Variants in YES1 observed in about 807,000 individuals in gnomAD.
YES1 encodes the protein tyrosine-protein kinase Yes.
In YES1, 39 loss-of-function variants were observed where a neutral mutation model predicts 70.4. That is an observed-to-expected ratio of 0.55 (90% CI 0.43 to 0.72). The LOEUF (loss-of-function observed/expected upper bound fraction) is 0.72. YES1 is among the 30% of genes least tolerant of loss of function. The pLI is 0.00. For missense variants in YES1, 495 were observed against 644.8 expected, an observed-to-expected ratio of 0.77 and a Z score of 2.52; for synonymous variants, 198 against 218.6, an observed-to-expected ratio of 0.91 and a Z score of 0.83.
chr18:745,329 C>A (rs1433157722), intron 6 of YES1, among the ~76,000 whole-genome samples: 1 of 152,144 alleles, frequency 6.6e-6, no homozygotes, highest in Non-Finnish European at 1.5e-5. Flanking sequence ...TGCGATCCAG[C>A]CCATGCAGAG....
At chr18:765,399 CT>C (rs1160937016) in intron 1 of YES1, among the ~76,000 whole-genome samples, 487 of 123,476 alleles carry the variant, frequency 3.9e-3, no homozygotes, top group East Asian at 0.015. Context: ...TAATTTAACA[CT>C]TTTTTTTTTT....
At chr18:757,776 C>A (rs1207172831) in intron 1 of YES1, among the ~76,000 whole-genome samples, 1 of 151,236 alleles carries the variant, frequency 6.6e-6, no homozygotes, top group Admixed American at 6.6e-5. Flanking sequence ...AAGCTGACAT[C>A]GTGCCAGTGC....
At chr18:790,078 TAAAC>T (rs898095808) in intron 1 of YES1, among the ~76,000 whole-genome samples, 4 of 150,568 alleles carry the variant, frequency 2.7e-5, no homozygotes, top group African/African-American at 9.8e-5. Context: ...TAAAATAAAA[TAAAC>T]AAAAGATTCC....
intron 1 of YES1, among the ~76,000 whole-genome samples, chr18:802,330 G>A (rs1350142467): frequency 6.6e-6 from 1 of 152,186 alleles, no homozygotes; most frequent in Non-Finnish European, 1.5e-5. Context: ...CACTCTGGGA[G>A]GCCAAGGCAG....
At chr18:745,485 T>A (rs2080267953) in intron 6 of YES1, among the ~76,000 whole-genome samples, 1 of 152,196 alleles carries the variant, frequency 6.6e-6, no homozygotes. Flanking sequence ...GCCAGTAAGA[T>A]ATAAGGACCC....
At chr18:800,975 G>A (rs550249725) in intron 1 of YES1, among the ~76,000 whole-genome samples, 3 of 151,936 alleles carry the variant, frequency 2.0e-5, no homozygotes, top group South Asian at 4.2e-4. Context: ...GTGAAACTCC[G>A]TCTCTACTAA....
chr18:802,268 A>G (rs1877471460), intron 1 of YES1, among the ~76,000 whole-genome samples: 1 of 152,094 alleles, frequency 6.6e-6, no homozygotes. Flanking sequence ...GAAAGAAAAT[A>G]AAATAATTAG....
At position 743,161 on chromosome 18, in the gene YES1, C is replaced by CAGCA. The variant is rs2080235091; in HGVS notation, c.881-68_881-65dup. On this transcript the variant is annotated intron_variant, in intron 7 of 11. Coordinates refer to ENST00000314574, the MANE Select transcript of YES1 (RefSeq NM_005433.4). ...GGATTTTAGACCAAACTTCAGTGAA[C>CAGCA]AGCACTTCTCTTAAATATTGAAACA... 21 of 1,547,616 alleles carry CAGCA rather than the reference C, an allele frequency of 1.4e-5. No individual in the cohort carries two copies. In the South Asian group the frequency reaches 2.6e-4, roughly 19 times the overall value.
intron 11 of YES1, among the ~76,000 whole-genome samples, chr18:729,006 A>G (rs1424442051): frequency 6.6e-6 from 1 of 152,148 alleles, no homozygotes; most frequent in African/African-American, 2.4e-5. Context: ...GAAGATTTTT[A>G]GCCATTACTT....
intron 1 of YES1, among the ~76,000 whole-genome samples, chr18:803,138 G>A (rs1906911699): frequency 6.6e-6 from 1 of 152,168 alleles, no homozygotes; most frequent in Non-Finnish European, 1.5e-5. Context: ...CAGAGACCAA[G>A]GTGGGAGGAT....
intron 3 of YES1, among the ~76,000 whole-genome samples, chr18:750,937 T>TA (rs1356073069): frequency 6.6e-6 from 1 of 151,990 alleles, no homozygotes; most frequent in Non-Finnish European, 1.5e-5. Flanking sequence ...GTCTGGGTAT[T>TA]AGAGTTAGAA....
At chr18:802,274 A>G (rs1906864064) in intron 1 of YES1, among the ~76,000 whole-genome samples, 1 of 152,096 alleles carries the variant, frequency 6.6e-6, no homozygotes, top group African/African-American at 2.4e-5. Flanking sequence ...AAATAAAATA[A>G]TTAGAAAGTA....
At position 767,409 on chromosome 18, in the gene YES1, C is replaced by T. The variant is rs556037803; in HGVS notation, c.-8-10574G>A. The stretch of plus-strand genomic sequence containing the variant: ...CAAGCAATTCGCCTGCCTCAGCCTC[C>T]CAAAGTGATGGGATTACAGACATAA... On this transcript the variant is annotated intron_variant, in intron 1 of 11. Transcript: ENST00000314574. 2.0e-5 allele frequency among the ~76,000 whole-genome samples: 3 copies of T among 152,264 alleles called. No homozygotes were observed. The South Asian group carries it at 6.2e-4, about 32-fold the overall frequency.
rs570425610 is a variant in YES1, at chr18:770,106, C to T, written c.-8-13271G>A. ...TCCCAAGTAGCTGGCAGTACAGGCA[C>T]GCGCCACCACACCCAGTTAATTTTT... is the stretch of plus-strand genomic sequence containing the variant. On this transcript the variant is annotated intron_variant, in intron 1 of 11. Transcript: ENST00000314574. Among the ~76,000 whole-genome samples the T allele has an allele frequency of 5.3e-5, 8 of 151,936 alleles. No individual in the cohort carries two copies. The South Asian group carries it at 6.2e-4, about 12-fold the overall frequency.
intron 1 of YES1, among the ~76,000 whole-genome samples, chr18:781,669 T>C (rs1185137579): frequency 2.6e-5 from 4 of 152,236 alleles, no homozygotes; most frequent in Non-Finnish European, 5.9e-5. Flanking sequence ...CAAACTGACT[T>C]TGGAGTCAGA....
intron 1 of YES1, among the ~76,000 whole-genome samples, chr18:760,431 C>T (rs567408339): frequency 1.3e-5 from 2 of 152,212 alleles, no homozygotes; most frequent in Admixed American, 1.3e-4. Flanking sequence ...GATTATGCCA[C>T]TGCACTCCAG....
intron 1 of YES1, among the ~76,000 whole-genome samples, chr18:809,376 C>T (rs1278870801): frequency 2.0e-5 from 3 of 152,048 alleles, no homozygotes; most frequent in African/African-American, 2.4e-5. Context: ...CTTAGCTCAC[C>T]GCAATCTCTG....
chr18:743,932 TAC>T (rs970621514), intron 6 of YES1, among the ~76,000 whole-genome samples: 2 of 148,946 alleles, frequency 1.3e-5, no homozygotes, highest in Non-Finnish European at 3.0e-5. Context: ...TATATATATA[TAC>T]ATGTTATTAC....
intron 1 of YES1, among the ~76,000 whole-genome samples, chr18:797,241 G>A (rs188942260): frequency 2.2e-4 from 34 of 152,148 alleles, no homozygotes; most frequent in Non-Finnish European, 1.2e-4. Flanking sequence ...ATGCATAGTA[G>A]CCTTCAATTG....
Sources: gnomAD v4.1 joint callset for allele counts (sites outside exome capture counted in the v4.1 genomes callset) on GRCh38, gnomAD v4.1.1 for gene constraint, MANE v1.5 for transcripts, NCBI Gene and HGNC (gene_info 2026-07-23, HGNC 2026-07-21) for gene names.